The following SRGAP3 variants were observed in gnomAD, a reference collection of about 807,000 sequenced individuals.
SRGAP3 encodes SLIT-ROBO Rho GTPase-activating protein 3.
SRGAP3 carries 39 observed loss-of-function variants against 121.1 expected under a neutral mutation model. That is an observed-to-expected ratio of 0.32 (90% confidence interval 0.25 to 0.42). The LOEUF (loss-of-function observed/expected upper bound fraction) is 0.42, where lower values mean the gene tolerates loss of function less well. Ranked by LOEUF, SRGAP3 falls within the 10% of genes least tolerant of loss-of-function variation. The pLI is 1.00. For missense variants in SRGAP3, 1,213 were observed against 1,470.6 expected, an observed-to-expected ratio of 0.82 and a Z score of 2.86; for synonymous variants, 601 against 570.0, an observed-to-expected ratio of 1.05 and a Z score of -0.77.
intron 18 of SRGAP3, among the ~76,000 whole-genome samples, chr3:9,002,251 T>A (rs948195373): frequency 2.0e-5 from 3 of 152,168 alleles, no homozygotes; most frequent in African/African-American, 7.2e-5. Context: ...ATTTCTTCTA[T>A]AGAAGAAGTT....
At chr3:9,217,759 T>C (rs2125192664) in intron 1 of SRGAP3, 1 of 152,266 alleles carries the variant, frequency 6.6e-6, no homozygotes, top group South Asian at 2.1e-4. Context: ...CTGACAGTGA[T>C]CCAGGGACCT....
Position 9,239,247 on chromosome 3 carries a change from G to C in SRGAP3, c.67+9638C>G, listed in dbSNP as rs1269236253. Reference sequence around the variant, plus strand: ...ATACAAAAATTAGCTGGACGTAGTGGCTGGCACCTGTAATCCCAGCTACTT... The same window carrying C: ...ATACAAAAATTAGCTGGACGTAGTGCCTGGCACCTGTAATCCCAGCTACTT... On this transcript the variant is annotated intron_variant, in intron 1 of 21. Coordinates refer to ENST00000383836, the MANE Select transcript of SRGAP3 (RefSeq NM_014850.4). This position sits in a 1 kb window ranked among gnomAD's most constrained non-coding sequence, Gnocchi z 4.0. Among the ~76,000 whole-genome samples, 1 of 152,108 alleles carries C rather than the reference G, an allele frequency of 6.6e-6. No homozygotes were observed. The highest frequency in any genetic ancestry group is 1.5e-5 in the Non-Finnish European group (1 of 68,022).
rs112139138 is a variant in SRGAP3 at position 9,161,585 on chromosome 3, G to T, written c.68-36668C>A. Among the ~76,000 whole-genome samples the T allele has an allele frequency of 4.9e-4, 74 of 152,376 alleles. 1 individual carries two copies. Among genetic ancestry groups the T allele is most frequent in the African/African-American group, 1.8e-3 (73 of 41,600 alleles). The stretch of plus-strand genomic sequence containing the variant: ...CTCCCTTGGGCACTCAATAAATGCT[G>T]AATTGAGTCCTTTCTGCAGCTCCAG... On this transcript the variant is annotated intron_variant, in intron 1 of 21. Coordinates refer to ENST00000383836, the MANE Select transcript of SRGAP3 (RefSeq NM_014850.4).
chr3:9,323,272 T>C lies in SRGAP3; in HGVS notation n.442+2738A>G, dbSNP rs141144602. Among the ~76,000 whole-genome samples, 145 of 152,044 alleles carry C rather than the reference T, an allele frequency of 9.5e-4. 3 individuals are homozygous for C. The East Asian group carries it at 0.016, about 17-fold the overall frequency. On this transcript the variant is annotated intron_variant and non_coding_transcript_variant, in intron 3 of 3. Coordinates refer to the SRGAP3 transcript ENST00000490889. Reference sequence around the variant, plus strand: ...GTGGTGATGATTACATGAATCTGTGTATGTGTGCAATTTTATGGAACTATA... The same window carrying C: ...GTGGTGATGATTACATGAATCTGTGCATGTGTGCAATTTTATGGAACTATA...
intron 1 of SRGAP3, among the ~76,000 whole-genome samples, chr3:9,157,346 A>AC (rs1950452319): frequency 1.3e-5 from 2 of 151,948 alleles, no homozygotes; most frequent in Admixed American, 6.6e-5. Flanking sequence ...GGGGAAATCC[A>AC]CCCCCATGAT....
intron 1 of SRGAP3, among the ~76,000 whole-genome samples, chr3:9,189,166 C>T (rs188648291): frequency 1.2e-3 from 183 of 152,358 alleles, no homozygotes; most frequent in African/African-American, 4.1e-3. Context: ...ATCCTACAAA[C>T]CCTGAGCTCC....
At chr3:9,066,311 T>C (rs1946427625) in intron 4 of SRGAP3, among the ~76,000 whole-genome samples, 1 of 152,204 alleles carries the variant, frequency 6.6e-6, no homozygotes. Flanking sequence ...TTGTTCATTC[T>C]CTTCTGTGGC....
intron 1 of SRGAP3, among the ~76,000 whole-genome samples, chr3:9,230,913 C>T (rs1418253564): frequency 6.6e-6 from 1 of 151,034 alleles, no homozygotes. Flanking sequence ...CGTAGCAGGA[C>T]ATGAAAAGGG....
At chr3:9,270,222 T>C (rs954318852) in intron 3 of SRGAP3, among the ~76,000 whole-genome samples, 1 of 152,236 alleles carries the variant, frequency 6.6e-6, no homozygotes, top group Non-Finnish European at 1.5e-5. Flanking sequence ...TATTGTGTAA[T>C]ATTGATAATA....
At chr3:9,213,662 C>T (rs977878541) in intron 1 of SRGAP3, among the ~76,000 whole-genome samples, 7 of 152,222 alleles carry the variant, frequency 4.6e-5, no homozygotes, top group Non-Finnish European at 8.8e-5. Flanking sequence ...CCCATCACCT[C>T]CCTGTTAAAA....
intron 11 of SRGAP3, chr3:9,035,344 T>C (rs987401569): frequency 5.4e-5 from 9 of 165,276 alleles, no homozygotes; most frequent in African/African-American, 2.1e-4. Flanking sequence ...AAATAGCATA[T>C]GTTTTCCCAT....
chr3:9,104,727 C>T lies in SRGAP3; in HGVS notation c.376G>A (p.Val126Ile), dbSNP rs372381347. Residue 126 changes from valine (V) to isoleucine (I), a missense_variant, in exon 3 of 22, where the codon GTC becomes ATC. Around this residue, in one of 2 missense-constraint regions of SRGAP3, gnomAD observed 793 missense variants for 1,032.9 expected, o/e 0.77. Transcript: ENST00000383836. The stretch of plus-strand genomic sequence containing the variant: ...TCCTCACTGATCTGGGAGAGGCGGA[C>T]GATGACATTGTTCATGAAGATGTCA... ...LNDIFMNNVIVRLSQISEDVI... is the reference protein window; with the variant it reads ...LNDIFMNNVIIRLSQISEDVI... 4.0e-5 allele frequency: 65 copies of T among 1,614,190 alleles called. No homozygotes were observed. Among genetic ancestry groups the T allele is most frequent in the African/African-American group, 1.5e-4 (11 of 75,030 alleles).
In SRGAP3 at chr3:9,058,474, T is replaced by C. The variant is rs780213503; in HGVS notation, c.802-2A>G. On this transcript the variant is annotated splice_acceptor_variant, in intron 6 of 21. Transcript: ENST00000383836. LOFTEE classifies it high-confidence loss of function. ...GGCATGGAAGCCCAAATCACAGCAC[T>C]TGGGGAGAGGCAACAACGGAAGGTT... 1 of 1,613,622 alleles carries C rather than the reference T, an allele frequency of 6.2e-7. No individual in the cohort carries two copies. Among genetic ancestry groups the C allele is most frequent in the East Asian group, 2.2e-5 (1 of 44,874 alleles).
At position 9,248,870 on chromosome 3, in the gene SRGAP3, C is replaced by T; in HGVS notation, c.67+15G>A. On this transcript the variant is annotated intron_variant, in intron 1 of 21. Coordinates refer to ENST00000383836, the MANE Select transcript of SRGAP3 (RefSeq NM_014850.4). ...AAGGGGAGGAGAAGGAAAACTCTCC[C>T]AGCCCGCATCTCACCTTTTATTTGG... 3.1e-6 allele frequency: 5 copies of T among 1,614,046 alleles called. No individual in the cohort carries two copies. The highest frequency in any genetic ancestry group is 2.2e-5 in the East Asian group (1 of 44,886).
At chr3:9,238,988 A>C (rs1330126789) in intron 1 of SRGAP3, among the ~76,000 whole-genome samples, 1 of 152,222 alleles carries the variant, frequency 6.6e-6, no homozygotes, top group African/African-American at 2.4e-5. Context: ...TGTCCTCACA[A>C]GGGCCTTGGT....
chr3:9,095,537 T>A (rs1947932726), intron 3 of SRGAP3, among the ~76,000 whole-genome samples: 1 of 152,176 alleles, frequency 6.6e-6, no homozygotes, highest in Admixed American at 6.5e-5. Context: ...CTCTTACAAA[T>A]AATAAGAAAA....
rs62247022 is a variant in SRGAP3 at position 9,121,419 on chromosome 3, C to G, written c.260+3306G>C. On this transcript the variant is annotated intron_variant, in intron 2 of 21. Coordinates refer to ENST00000383836, the MANE Select transcript of SRGAP3 (RefSeq NM_014850.4). ...GTGCTGGGCTCCAAGGAATAGGCAG[C>G]CCGAGGCCAGTCAGTGCCCTGGGGT... Among the ~76,000 whole-genome samples the G allele has an allele frequency of 4.5e-3, 678 of 152,292 alleles. 4 individuals are homozygous for G. The highest frequency in any genetic ancestry group is 7.9e-3 in the Non-Finnish European group (534 of 68,018).
intron 1 of SRGAP3, among the ~76,000 whole-genome samples, chr3:9,242,369 T>A (rs766037133): frequency 3.9e-5 from 6 of 152,172 alleles, no homozygotes; most frequent in Non-Finnish European, 5.9e-5. Flanking sequence ...GCACAGCGGC[T>A]CACGCCTGAA....
At chr3:9,302,646 T>G (rs1172253253) in intron 3 of SRGAP3, among the ~76,000 whole-genome samples, 1 of 152,186 alleles carries the variant, frequency 6.6e-6, no homozygotes, top group Non-Finnish European at 1.5e-5. Flanking sequence ...AATGAGAGCT[T>G]AGACACGCTC....
Sources: allele counts gnomAD v4.1 joint callset (sites outside exome capture counted in the v4.1 genomes callset), GRCh38; gene constraint gnomAD v4.1.1; regional missense constraint gnomAD v4.1.1; non-coding constraint Gnocchi (gnomAD v3.1); transcripts MANE v1.5; gene names NCBI Gene and HGNC (gene_info 2026-07-23, HGNC 2026-07-21).